The following MYB variants were observed in gnomAD, a reference collection of about 807,000 sequenced individuals.
MYB encodes MYB proto-oncogene, transcription factor.
A neutral mutation model predicts 92.9 loss-of-function variants in MYB; 28 were observed. That is an observed-to-expected ratio of 0.30 (90% CI 0.22 to 0.41). MYB has a LOEUF of 0.41. MYB is among the 10% of genes least tolerant of loss of function. The pLI is 1.00. For synonymous variants in MYB, 295 were observed against 329.1 expected (o/e 0.90, Z 1.12); for missense variants, 679 against 929.3 (o/e 0.73, Z 3.50).
chr6:135,201,837 C>T (rs974865617), intron 14 of MYB, 88 bp downstream of exon 14: 5 of 600,876 alleles, frequency 8.3e-6, no homozygotes, highest in Admixed American at 3.5e-5. Flanking sequence ...GCTGCGGTTT[C>T]AGCACTCCCT....
In MYB at chr6:135,193,832, A is replaced by T; in HGVS notation, c.763-6A>T. ...ACGTGGCCTTTGTTTTGTCTTTTGC[A>T]TCTAGGTCTCCAGTCATGTTCCATA... is the stretch of plus-strand genomic sequence containing the variant. On this transcript the variant is annotated splice_polypyrimidine_tract_variant and splice_region_variant and intron_variant, in intron 6 of 15. Transcript: ENST00000341911. The T allele has an allele frequency of 6.2e-7, 1 of 1,606,212 alleles. No homozygotes were observed. Among genetic ancestry groups the T allele is most frequent in the Non-Finnish European group, 8.5e-7 (1 of 1,172,994 alleles).
At chr6:135,213,879 C>G (rs6919208) in intron 15 of MYB, among the ~76,000 whole-genome samples, 5,934 of 151,660 alleles carry the variant, frequency 0.039, 417 homozygotes, top group African/African-American at 0.14. Flanking sequence ...CTCTCAAAAA[C>G]GAAAACAAAA....
intron 7 of MYB, 122 bp from the exon 8 acceptor site, chr6:135,194,234 G>A: frequency 1.4e-6 from 1 of 711,994 alleles, no homozygotes; most frequent in Non-Finnish European, 2.3e-6. Flanking sequence ...TTTGGTTGGT[G>A]GTGTTGTCAC....
rs563780434 is a variant in MYB at position 135,182,505 on chromosome 6, C to G, written c.23+969C>G. Among the ~76,000 whole-genome samples, 1 of 152,284 alleles carries G rather than the reference C, an allele frequency of 6.6e-6. No homozygotes were observed. Among genetic ancestry groups the G allele is most frequent in the South Asian group, 2.1e-4 (1 of 4,826 alleles). On this transcript the variant is annotated intron_variant, in intron 1 of 15. Coordinates refer to ENST00000341911, the MANE Select transcript of MYB (RefSeq NM_001130173.2). The surrounding 1 kb of genome is among the most constrained non-coding windows in gnomAD (Gnocchi z 5.6). ...CAAGGCCGCTGCCGCGCAACCGGGACGCGATCCCCGCGGGCTCTGCCCCCA... is the reference window on the plus strand; with the variant it reads ...CAAGGCCGCTGCCGCGCAACCGGGAGGCGATCCCCGCGGGCTCTGCCCCCA...
chr6:135,207,039 T>G (rs1039278057), intron 15 of MYB, among the ~76,000 whole-genome samples: 2 of 152,226 alleles, frequency 1.3e-5, no homozygotes, highest in African/African-American at 4.8e-5. Context: ...TAATTTTGTT[T>G]GTTTGAAACA....
intron 11 of MYB, chr6:135,199,680 T>C (rs1304288679): frequency 7.1e-6 from 3 of 420,356 alleles, no homozygotes; most frequent in South Asian, 6.2e-5. Context: ...TGCACTGTTA[T>C]TTCGAAGTAC....
chr6:135,199,134 C>A, intron 11 of MYB, 84 bp downstream of exon 11: 1 of 1,121,542 alleles, frequency 8.9e-7, no homozygotes, highest in South Asian at 1.8e-5. Flanking sequence ...ATGTCTGATC[C>A]ACTTGTATGT....
intron 15 of MYB, among the ~76,000 whole-genome samples, chr6:135,205,879 G>A (rs922801927): frequency 6.6e-6 from 1 of 152,134 alleles, no homozygotes; most frequent in African/African-American, 2.4e-5. Flanking sequence ...AGACCAGCCT[G>A]GGCAACATAG....
rs1042484593 is a variant in MYB at position 135,200,153 on chromosome 6, A to G, written c.1778A>G (p.His593Arg). The G allele has an allele frequency of 1.1e-5, 17 of 1,614,110 alleles. No homozygotes were observed. The highest frequency in any genetic ancestry group is 1.3e-5 in the Non-Finnish European group (15 of 1,180,056). ...CCAAGAACTCCTACACCATTCAAAC[A>G]TGCACTTGCAGCTCAAGAAATTAAA... ...SSPRTPTPFK[H>R]ALAAQEIKYG... is the part of the protein sequence containing the mutation. The change falls in exon 12 of 16, where the codon CAT (histidine) becomes CGT (arginine). Residue 593 changes from histidine to arginine, a missense_variant. Coordinates refer to ENST00000341911, the MANE Select transcript of MYB (RefSeq NM_001130173.2).
chr6:135,193,990 T>C, intron 7 of MYB, 72 bp downstream of exon 7: 1 of 1,224,420 alleles, frequency 8.2e-7, no homozygotes, highest in Non-Finnish European at 1.2e-6. Flanking sequence ...TCTAAACACA[T>C]ATTTTTACCT....
chr6:135,197,319 C>G lies in MYB; in HGVS notation c.1562C>G (p.Ser521Trp), dbSNP rs373571701. The G allele has an allele frequency of 2.5e-6, 4 of 1,603,322 alleles. No homozygotes were observed. In the East Asian group the frequency reaches 6.7e-5, roughly 27 times the overall value. The change falls in exon 10 of 16, where the codon TCG becomes TGG. Residue 521 changes from serine to tryptophan, a missense_variant. Physicochemically the swap from Ser to Trp is radical, Grantham distance 177. This residue lies in a region of MYB where 402 missense variants were observed against 434.2 expected (regional missense o/e 0.93). Coordinates refer to ENST00000341911, the MANE Select transcript of MYB (RefSeq NM_001130173.2). ...GTCAAAAGCCTACCCTTCTCTCCCT[C>G]GCAGGTAGAACACAATTTCTGCACA... ...SPVKSLPFSP[S>W]QFLNTSSNHE... is the part of the protein sequence containing the mutation.
In MYB at chr6:135,197,333, A is replaced by G; in HGVS notation, c.1566+10A>G. 1 of 1,585,226 alleles carries G rather than the reference A, an allele frequency of 6.3e-7. No homozygotes were observed. Among genetic ancestry groups the G allele is most frequent in the Non-Finnish European group, 8.6e-7 (1 of 1,160,468 alleles). ...CTTCTCTCCCTCGCAGGTAGAACAC[A>G]ATTTCTGCACAGCTGTTACTCATTT... On this transcript the variant is annotated intron_variant, in intron 10 of 15. Coordinates refer to ENST00000341911, the MANE Select transcript of MYB (RefSeq NM_001130173.2).
chr6:135,219,157 G>T lies in MYB; in HGVS notation c.*1177G>T, dbSNP rs1780774070. Reference sequence around the variant, plus strand: ...CTGCCTTGTAGCAAAATAAAGATGTGCCCTTATTTTACCTACTTTTGTTTT... The same window carrying T: ...CTGCCTTGTAGCAAAATAAAGATGTTCCCTTATTTTACCTACTTTTGTTTT... On this transcript the variant is annotated 3_prime_UTR_variant, in exon 16 of 16. Transcript: ENST00000341911. The T allele has an allele frequency of 4.7e-6, 1 of 212,982 alleles. No homozygotes were observed. The highest frequency in any genetic ancestry group is 2.3e-5 in the African/African-American group (1 of 44,180). The allele number at this position is 212,982 out of a possible 1,614,324, so 13.2% of individuals were successfully genotyped here.
Position 135,193,818 on chromosome 6 carries a change from G to A in MYB, c.763-20G>A. Reference sequence around the variant, plus strand: ...TGTAGCCCTGAATGACGTGGCCTTTGTTTTGTCTTTTGCATCTAGGTCTCC... The same window carrying A: ...TGTAGCCCTGAATGACGTGGCCTTTATTTTGTCTTTTGCATCTAGGTCTCC... On this transcript the variant is annotated intron_variant, in intron 6 of 15. Transcript: ENST00000341911. 6.3e-7 allele frequency: 1 copy of A among 1,583,772 alleles called. No individual in the cohort carries two copies. Among genetic ancestry groups the A allele is most frequent in the Middle Eastern group, 1.7e-4 (1 of 6,022 alleles).
chr6:135,182,420 G>A lies in MYB; in HGVS notation c.23+884G>A, dbSNP rs983877962. Among the ~76,000 whole-genome samples the A allele has an allele frequency of 2.0e-5, 3 of 152,308 alleles. No individual in the cohort carries two copies. The highest frequency in any genetic ancestry group is 4.4e-5 in the Non-Finnish European group (3 of 68,012). On this transcript the variant is annotated intron_variant, in intron 1 of 15. Coordinates refer to ENST00000341911, the MANE Select transcript of MYB (RefSeq NM_001130173.2). This position sits in a 1 kb window ranked among gnomAD's most constrained non-coding sequence, Gnocchi z 5.6. ...CTCCCTGCGAGCGGCGGGTGCCAGG[G>A]CTAGCTCGGCAGCCGTCGCAGTCGC... is the stretch of plus-strand genomic sequence containing the variant.
At chr6:135,183,318 T>C (rs576800355) in intron 1 of MYB, among the ~76,000 whole-genome samples, 2 of 152,084 alleles carry the variant, frequency 1.3e-5, no homozygotes, top group African/African-American at 2.4e-5. Context: ...TTTGAACCCC[T>C]CCGAATCACA....
chr6:135,203,208 T>A lies in MYB; in HGVS notation c.2062-9T>A, dbSNP rs2128306614. 6.4e-7 allele frequency: 1 copy of A among 1,559,932 alleles called. No individual in the cohort carries two copies. Among genetic ancestry groups the A allele is most frequent in the Non-Finnish European group, 8.8e-7 (1 of 1,134,814 alleles). The stretch of plus-strand genomic sequence containing the variant: ...TCATTTAAATTTCAAATTATTCTCT[T>A]CCCTTTAGAATATTCTTACAAGCTC... On this transcript the variant is annotated splice_polypyrimidine_tract_variant and intron_variant, in intron 14 of 15. Transcript: ENST00000341911.
intron 15 of MYB, among the ~76,000 whole-genome samples, chr6:135,215,577 A>G (rs565495118): frequency 1.3e-5 from 2 of 152,292 alleles, no homozygotes; most frequent in East Asian, 1.9e-4. Flanking sequence ...AGTTATATCA[A>G]TAACACTTAG....
chr6:135,187,928 T>A, intron 3 of MYB, 23 bp downstream of exon 3: 4 of 1,541,296 alleles, frequency 2.6e-6, no homozygotes, highest in Non-Finnish European at 3.6e-6. Flanking sequence ...GTTTTTCTTA[T>A]AACGAAAGGA....
Sources: gnomAD v4.1 joint callset for allele counts (sites outside exome capture counted in the v4.1 genomes callset) on GRCh38, gnomAD v4.1.1 for gene constraint, gnomAD v4.1.1 regional missense constraint, Gnocchi (gnomAD v3.1) non-coding constraint, MANE v1.5 for transcripts, NCBI Gene and HGNC (gene_info 2026-07-23, HGNC 2026-07-21) for gene names.